The following CRX variants were observed in gnomAD, a reference collection of about 807,000 sequenced individuals.
CRX encodes cone-rod homeobox protein.
CRX carries 5 observed loss-of-function variants against 13.1 expected under a neutral mutation model. The ratio of observed to expected loss-of-function variants is 0.38; its 90% CI spans 0.20 to 0.80. The LOEUF is 0.80. CRX is among the 30% of genes least tolerant of loss of function. The probability of loss-of-function intolerance (pLI) is 0.43; values close to 1 mark genes in which losing one functional copy is unlikely to be tolerated. For synonymous variants in CRX, 179 were observed against 171.1 expected, an observed-to-expected ratio of 1.05 and a Z score of -0.36; for missense variants, 351 against 391.8, an observed-to-expected ratio of 0.90 and a Z score of 0.88.
Position 47,840,002 on chromosome 19 carries a change from G to A in CRX, c.*35G>A, listed in dbSNP as rs745339682. 20 of 1,607,752 alleles carry A rather than the reference G, an allele frequency of 1.2e-5. 1 individual carries two copies. The highest frequency in any genetic ancestry group is 5.5e-5 in the South Asian group (5 of 90,974). ...TCTCCATCTCTCTCCATCGGGCCTC[G>A]GGACCCTTTCTCTTCTGAATCTGCT... On this transcript the variant is annotated 3_prime_UTR_variant, in exon 4 of 4. Coordinates refer to ENST00000221996, the MANE Select transcript of CRX (RefSeq NM_000554.6).
At chr19:47,830,388 A>G (rs1189340379) in intron 1 of CRX, among the ~76,000 whole-genome samples, 2 of 151,754 alleles carry the variant, frequency 1.3e-5, no homozygotes, top group Non-Finnish European at 2.9e-5. Context: ...TAAGTCATGA[A>G]TGAAGGAACC....
chr19:47,823,730 A>T (rs937750975), intron 1 of CRX, among the ~76,000 whole-genome samples: 1 of 149,374 alleles, frequency 6.7e-6, no homozygotes, highest in African/African-American at 2.5e-5. Context: ...GCTCAGTGCA[A>T]CCTCCACCTC....
Position 47,840,621 on chromosome 19 carries a change from T to A in CRX, c.*654T>A, listed in dbSNP as rs1968183532. Reference sequence around the variant, plus strand: ...GGTTTCACCGTGTTAGCCAGGATGGTCTCGATCTCCTGACCTCGTGATCCG... The same window carrying A: ...GGTTTCACCGTGTTAGCCAGGATGGACTCGATCTCCTGACCTCGTGATCCG... On this transcript the variant is annotated 3_prime_UTR_variant, in exon 4 of 4. Coordinates refer to ENST00000221996, the MANE Select transcript of CRX (RefSeq NM_000554.6). 1 of 151,716 alleles carries A rather than the reference T, an allele frequency of 6.6e-6. No individual in the cohort carries two copies. Among genetic ancestry groups the A allele is most frequent in the Non-Finnish European group, 1.5e-5 (1 of 68,046 alleles). The allele number at this position is 151,716 out of a possible 1,614,324, so 9.4% of individuals were successfully genotyped here.
chr19:47,824,346 G>A (rs1967949161), intron 1 of CRX, among the ~76,000 whole-genome samples: 1 of 152,196 alleles, frequency 6.6e-6, no homozygotes, highest in Non-Finnish European at 1.5e-5. Context: ...ATATCGCCGG[G>A]TGATCAGGAG....
rs769009205 is a variant in CRX, at chr19:47,839,658, G to A, written c.591G>A (p.Pro197=). Residue 197 remains proline, a synonymous_variant, in exon 4 of 4, where the codon CCG becomes CCA. Coordinates refer to ENST00000221996, the MANE Select transcript of CRX (RefSeq NM_000554.6). This position sits in a 1 kb window ranked among gnomAD's most constrained non-coding sequence, Gnocchi z 4.6. ...CCCCCTATGCCATGACCTACGCCCC[G>A]GCCTCCGCTTTCTGCTCTTCCCCCT... is the stretch of plus-strand genomic sequence containing the variant. ...TSAPYAMTYA[P]ASAFCSSPSA... is the part of the protein sequence containing the mutation. The A allele has an allele frequency of 1.1e-4, 174 of 1,613,272 alleles. No individual in the cohort carries two copies. In the South Asian group the frequency reaches 1.3e-3, roughly 12 times the overall value.
intron 1 of CRX, among the ~76,000 whole-genome samples, chr19:47,825,078 C>T (rs1224394867): frequency 1.3e-5 from 2 of 148,162 alleles, no homozygotes; most frequent in Non-Finnish European, 3.0e-5. Context: ...GCAGCCTCCG[C>T]CTCCCGAGTT....
At chr19:47,828,623 G>A (rs1272691737) in intron 1 of CRX, among the ~76,000 whole-genome samples, 1 of 151,162 alleles carries the variant, frequency 6.6e-6, no homozygotes, top group East Asian at 1.9e-4. Context: ...GCGTGTGTGT[G>A]TGTGTGTAAA....
chr19:47,832,639 C>T (rs1190013794), intron 1 of CRX, among the ~76,000 whole-genome samples: 3 of 151,812 alleles, frequency 2.0e-5, no homozygotes, highest in East Asian at 1.9e-4. Flanking sequence ...GCGTGCACCC[C>T]TGTGCCCAGC....
intron 1 of CRX, among the ~76,000 whole-genome samples, chr19:47,830,128 A>G (rs1055876484): frequency 1.4e-5 from 2 of 141,568 alleles, no homozygotes; most frequent in African/African-American, 5.2e-5. Flanking sequence ...TTATTGTCAA[A>G]GTGCAATTAA....
At chr19:47,827,229 C>T (rs557733143) in intron 1 of CRX, among the ~76,000 whole-genome samples, 50 of 152,214 alleles carry the variant, frequency 3.3e-4, no homozygotes, top group African/African-American at 9.4e-4. Context: ...TGAGCCTTCT[C>T]GTGACATTCC....
At position 47,840,255 on chromosome 19, in the gene CRX, TG is replaced by T; in HGVS notation, c.*290del. The T allele has an allele frequency of 2.3e-6, 1 of 431,222 alleles. No individual in the cohort carries two copies. Among genetic ancestry groups the T allele is most frequent in the South Asian group, 2.6e-5 (1 of 38,336 alleles). The allele number at this position is 431,222 out of a possible 1,614,324, so 26.7% of individuals were successfully genotyped here. ...ACCACGAGCTCCAGGCTTCAGAAAG[TG>T]GTGCTGAGAACTTGCTCCAAGAAGA... is the stretch of plus-strand genomic sequence containing the variant. On this transcript the variant is annotated 3_prime_UTR_variant, in exon 4 of 4. Transcript: ENST00000221996.
At chr19:47,828,612 A>AGTGTGT (rs113277135) in intron 1 of CRX, among the ~76,000 whole-genome samples, 34,580 of 149,378 alleles carry the variant, frequency 0.23, 5,146 homozygotes, top group African/African-American at 0.42. Context: ...GGAGGTAGGG[A>AGTGTGT]GCGTGTGTGT....
intron 1 of CRX, among the ~76,000 whole-genome samples, chr19:47,823,950 G>A (rs979017279): frequency 6.6e-6 from 1 of 152,208 alleles, no homozygotes; most frequent in East Asian, 1.9e-4. Flanking sequence ...ACACCCGGCC[G>A]AGTCTGCGTT....
chr19:47,834,925 C>T (rs955178174), intron 2 of CRX, among the ~76,000 whole-genome samples: 3 of 149,502 alleles, frequency 2.0e-5, no homozygotes, highest in Admixed American at 6.7e-5. Flanking sequence ...GCAATCCTCC[C>T]ACCTCAGCCT....
Position 47,842,716 on chromosome 19 carries a change from G to GACAAAATTCACAC in CRX, c.*2749_*2750insACAAAATTCACAC. ...AGACAAAATTCACACGGGAGGGGCA[G>GACAAAATTCACAC]GGATGAGACAATATTGTGCCCTGGG... On this transcript the variant is annotated 3_prime_UTR_variant, in exon 4 of 4. Transcript: ENST00000221996. The GACAAAATTCACAC allele has an allele frequency of 6.6e-6, 1 of 152,436 alleles. No homozygotes were observed. The highest frequency in any genetic ancestry group is 2.1e-4 in the South Asian group (1 of 4,822). The allele number at this position is 152,436 out of a possible 1,614,324, so 9.4% of individuals were successfully genotyped here. A position where few individuals can be genotyped will look rare whatever the true frequency, so the allele number is the denominator to read the frequency against.
At chr19:47,826,709 G>T (rs1036938154) in intron 1 of CRX, among the ~76,000 whole-genome samples, 1 of 152,228 alleles carries the variant, frequency 6.6e-6, no homozygotes, top group African/African-American at 2.4e-5. Context: ...GAAGGCTTGT[G>T]TATTAGTTAA....
intron 2 of CRX, 70 bp downstream of exon 2, chr19:47,834,613 GC>G: frequency 7.6e-7 from 1 of 1,316,828 alleles, no homozygotes; most frequent in Non-Finnish European, 1.1e-6. Flanking sequence ...GGGTCCCTTT[GC>G]CCCCAGGAAG....
intron 2 of CRX, 117 bp downstream of exon 2, chr19:47,834,660 C>CTG (rs1968095099): frequency 1.3e-6 from 1 of 755,508 alleles, no homozygotes; most frequent in African/African-American, 1.7e-5. Flanking sequence ...GGCCATACAC[C>CTG]AGCCCTCTGG....
intron 1 of CRX, among the ~76,000 whole-genome samples, chr19:47,825,765 C>CAAAAAAAAAAAAAAAAAAAAAA (rs774130693): frequency 7.0e-6 from 1 of 143,492 alleles, no homozygotes; most frequent in Non-Finnish European, 1.5e-5. Context: ...ACTAAAAATA[C>CAAAAAAAAAAAAAAAAAAAAAA]AAAAAAAAAA....
Sources: gnomAD v4.1 joint callset for allele counts (sites outside exome capture counted in the v4.1 genomes callset) on GRCh38, gnomAD v4.1.1 for gene constraint, Gnocchi (gnomAD v3.1) non-coding constraint, MANE v1.5 for transcripts, NCBI Gene and HGNC (gene_info 2026-07-23, HGNC 2026-07-21) for gene names.